Variants in ZMAT2 observed in about 807,000 individuals in gnomAD.
ZMAT2 encodes zinc finger matrin-type protein 2.
In ZMAT2, 5 loss-of-function variants were observed where a neutral mutation model predicts 27.5. The ratio of observed to expected loss-of-function variants is 0.18; its 90% CI spans 0.10 to 0.38. The LOEUF (loss-of-function observed/expected upper bound fraction) is 0.38. Among genes scored for constraint, ZMAT2 ranks in the 10% least tolerant of loss-of-function variants. The probability of loss-of-function intolerance (pLI) is 1.00; values close to 1 mark genes in which losing one functional copy is unlikely to be tolerated. For synonymous variants in ZMAT2, 76 were observed against 78.6 expected, an observed-to-expected ratio of 0.97 and a Z score of 0.17; for missense variants, 124 against 243.9, an observed-to-expected ratio of 0.51 and a Z score of 3.27.
chr5:140,701,059 A>G, intron 2 of ZMAT2, 147 bp downstream of exon 2: 2 of 736,304 alleles, frequency 2.7e-6, no homozygotes. Context: ...CTGCATTTAC[A>G]AAATGAGAGC....
chr5:140,705,263 T>C (rs1264742320), intron 5 of ZMAT2, among the ~76,000 whole-genome samples: 2 of 152,108 alleles, frequency 1.3e-5, no homozygotes, highest in Admixed American at 6.6e-5. Flanking sequence ...GAGGGAGTTA[T>C]AAAGATTTCC....
intron 1 of ZMAT2, 52 bp downstream of exon 1, chr5:140,700,530 A>G: frequency 6.2e-7 from 1 of 1,611,364 alleles, no homozygotes; most frequent in Non-Finnish European, 8.5e-7. Context: ...ATGGTTTTTC[A>G]GACCTGAATA....
chr5:140,703,128 A>T (rs1250568925), intron 3 of ZMAT2, among the ~76,000 whole-genome samples: 1 of 152,122 alleles, frequency 6.6e-6, no homozygotes, highest in African/African-American at 2.4e-5. Context: ...CATTCATATG[A>T]ATCTTAAGTG....
intron 5 of ZMAT2, 88 bp downstream of exon 5, chr5:140,704,659 TC>T: frequency 1.4e-6 from 2 of 1,414,186 alleles, no homozygotes; most frequent in South Asian, 1.4e-5. Context: ...CCACTCCTAC[TC>T]CCACCCCCAG....
At chr5:140,704,070 T>C in intron 4 of ZMAT2, 79 bp downstream of exon 4, 1 of 1,345,052 alleles carries the variant, frequency 7.4e-7, no homozygotes, top group Non-Finnish European at 1.1e-6. Context: ...TAGCTTTTTT[T>C]TTCTTCTTTT....
intron 4 of ZMAT2, 77 bp downstream of exon 4, chr5:140,704,068 T>G: frequency 8.2e-6 from 11 of 1,343,804 alleles, no homozygotes; most frequent in Non-Finnish European, 1.2e-5. Context: ...GGTAGCTTTT[T>G]TTTTCTTCTT....
intron 2 of ZMAT2, among the ~76,000 whole-genome samples, chr5:140,701,146 C>G (rs1032671446): frequency 8.5e-5 from 13 of 152,276 alleles, no homozygotes; most frequent in African/African-American, 3.1e-4. Flanking sequence ...CCACCCTTTG[C>G]TTGGCTCGTT....
intron 3 of ZMAT2, 89 bp from the exon 4 acceptor site, chr5:140,703,826 AAAG>A: frequency 8.4e-7 from 1 of 1,193,736 alleles, no homozygotes; most frequent in East Asian, 2.3e-5. Context: ...ACACTTCTAA[AAAG>A]AAGTTTACCT....
intron 3 of ZMAT2, among the ~76,000 whole-genome samples, chr5:140,702,799 G>A: frequency 6.6e-6 from 1 of 152,160 alleles, no homozygotes; most frequent in East Asian, 1.9e-4. Flanking sequence ...ATAACCTATA[G>A]GAAGAAGGGT....
At chr5:140,701,844 G>A (rs183424708) in intron 2 of ZMAT2, among the ~76,000 whole-genome samples, 162 bp from the exon 3 acceptor site, 1 of 152,306 alleles carries the variant, frequency 6.6e-6, no homozygotes, top group East Asian at 1.9e-4. Flanking sequence ...ATTTCTTCCT[G>A]TGTTGAGATT....
intron 3 of ZMAT2, 99 bp downstream of exon 3, chr5:140,702,228 A>T: frequency 7.0e-7 from 1 of 1,431,326 alleles, no homozygotes; most frequent in Non-Finnish European, 9.5e-7. Context: ...TGGCCCCAGG[A>T]TTACGTCCTT....
At chr5:140,701,940 AT>A (rs889033105) in intron 2 of ZMAT2, 65 bp from the exon 3 acceptor site, 22 of 1,536,556 alleles carry the variant, frequency 1.4e-5, no homozygotes, top group Admixed American at 6.2e-5. Flanking sequence ...GATTTCATGC[AT>A]TTTTTTTCCT....
At position 140,703,960 on chromosome 5, in the gene ZMAT2, C is replaced by T. The variant is rs140024135; in HGVS notation, c.279C>T (p.Ile93=). 6.8e-6 allele frequency: 11 copies of T among 1,614,010 alleles called. No homozygotes were observed. The African/African-American group carries it at 1.2e-4, about 18-fold the overall frequency. The change falls in exon 4 of 6, where the codon ATC becomes ATT. Residue 93 remains isoleucine, a synonymous_variant. Coordinates refer to ENST00000274712, the MANE Select transcript of ZMAT2 (RefSeq NM_144723.3). ...NVCDCVVKDS[I]NFLDHINGKK... ...GTGACTGTGTGGTGAAGGACTCCATCAACTTTCTGGATCACATTAATGGAA... is the reference window on the plus strand; with the variant it reads ...GTGACTGTGTGGTGAAGGACTCCATTAACTTTCTGGATCACATTAATGGAA...
chr5:140,704,764 T>G (rs1018754986), intron 5 of ZMAT2, among the ~76,000 whole-genome samples, 193 bp downstream of exon 5: 7 of 151,988 alleles, frequency 4.6e-5, no homozygotes, highest in African/African-American at 1.5e-4. Context: ...TGAAACTACT[T>G]TTTTCTCCTA....
At chr5:140,705,320 T>C (rs1760036643) in intron 5 of ZMAT2, among the ~76,000 whole-genome samples, 1 of 149,082 alleles carries the variant, frequency 6.7e-6, no homozygotes, top group African/African-American at 2.4e-5. Context: ...CCCCATAATT[T>C]TTTTTTTTTT....
chr5:140,701,224 A>G (rs1759958355), intron 2 of ZMAT2, among the ~76,000 whole-genome samples: 1 of 152,112 alleles, frequency 6.6e-6, no homozygotes, highest in Admixed American at 6.6e-5. Context: ...TAAGTAGAGT[A>G]TTTTGCTGCT....
At chr5:140,704,815 AAAT>A (rs1198755619) in intron 5 of ZMAT2, among the ~76,000 whole-genome samples, 1 of 151,644 alleles carries the variant, frequency 6.6e-6, no homozygotes. Context: ...ATTTAAAAAA[AAAT>A]TTTTTTTTTT....
At chr5:140,703,872 G>T (rs777773269) in intron 3 of ZMAT2, 46 bp from the exon 4 acceptor site, 12 of 1,567,700 alleles carry the variant, frequency 7.7e-6, no homozygotes, top group Non-Finnish European at 1.8e-6. Flanking sequence ...AAAATGATAA[G>T]ATCCTTAAAA....
At chr5:140,701,974 T>C (rs1264738482) in intron 2 of ZMAT2, 32 bp from the exon 3 acceptor site, 13 of 1,591,670 alleles carry the variant, frequency 8.2e-6, no homozygotes, top group African/African-American at 4.1e-5. Flanking sequence ...AACTATAATA[T>C]TGAAGGGACT....
Sources: gnomAD v4.1 joint callset for allele counts (sites outside exome capture counted in the v4.1 genomes callset) on GRCh38, gnomAD v4.1.1 for gene constraint, MANE v1.5 for transcripts, NCBI Gene and HGNC (gene_info 2026-07-23, HGNC 2026-07-21) for gene names.